Variants in NEIL3 observed in about 807,000 individuals in gnomAD.
The protein encoded by NEIL3 is endonuclease 8-like 3.
A neutral mutation model predicts 57.5 loss-of-function variants in NEIL3; 48 were observed. The observed-to-expected ratio is 0.83, with a 90% CI of 0.66 to 1.06. The LOEUF (loss-of-function observed/expected upper bound fraction) is 1.06. Among genes scored for constraint, NEIL3 ranks in the 50% least tolerant of loss-of-function variants. NEIL3 has a pLI of 0.00. For synonymous variants in NEIL3, 261 were observed against 253.2 expected (o/e 1.03, Z -0.29); for missense variants, 717 against 739.1 (o/e 0.97, Z 0.35).
At chr4:177,311,268 T>C (rs1379305424) in intron 1 of NEIL3, among the ~76,000 whole-genome samples, 1 of 152,184 alleles carries the variant, frequency 6.6e-6, no homozygotes, top group African/African-American at 2.4e-5. Context: ...ACAAAGACAT[T>C]CATTAAATAA....
At chr4:177,354,252 G>GT (rs33963327) in intron 8 of NEIL3, 64,319 of 147,092 alleles carry the variant, frequency 0.44, 14,182 homozygotes, top group Middle Eastern at 0.64. Flanking sequence ...GAAAAGTTGG[G>GT]TTTTTTTTTT....
intron 7 of NEIL3, 147 bp downstream of exon 7, chr4:177,351,696 T>C: frequency 1.5e-6 from 1 of 646,124 alleles, no homozygotes; most frequent in East Asian, 2.7e-5. Flanking sequence ...AGTTTTCACA[T>C]GTAAACCATG....
chr4:177,322,771 A>G (rs908888928), intron 2 of NEIL3, among the ~76,000 whole-genome samples, 191 bp downstream of exon 2: 3 of 152,284 alleles, frequency 2.0e-5, no homozygotes, highest in Non-Finnish European at 2.9e-5. Flanking sequence ...TGATGTCATC[A>G]TCACTTGGAA....
intron 3 of NEIL3, 78 bp from the exon 4 acceptor site, chr4:177,336,030 G>A: frequency 7.9e-7 from 1 of 1,268,612 alleles, no homozygotes; most frequent in Non-Finnish European, 1.1e-6. Flanking sequence ...AGTGCTTATA[G>A]CAAAGCTCAT....
chr4:177,315,415 G>A (rs944630515), intron 1 of NEIL3, among the ~76,000 whole-genome samples: 4 of 152,106 alleles, frequency 2.6e-5, no homozygotes, highest in Non-Finnish European at 4.4e-5. Flanking sequence ...GGAGATTTTC[G>A]TCTTTATTTC....
In NEIL3 at chr4:177,322,487, A is replaced by G; in HGVS notation, c.185A>G (p.Gln62Arg). The change falls in exon 2 of 10, where the codon CAG becomes CGG. Residue 62 changes from glutamine (Q) to arginine (R), a missense_variant. Transcript: ENST00000264596. Reference protein sequence around the residue: ...QAAALNNDSSQNVLSLFNGYV... With the variant: ...QAAALNNDSSRNVLSLFNGYV... ...GCTGCACTGAATAATGATTCCAGCC[A>G]GAATGTCTTGAGCCTGTTTAATGGA... The G allele has an allele frequency of 6.2e-7, 1 of 1,613,984 alleles. No homozygotes were observed. Among genetic ancestry groups the G allele is most frequent in the Non-Finnish European group, 8.5e-7 (1 of 1,179,882 alleles).
chr4:177,344,533 T>C (rs1157316792), intron 6 of NEIL3, among the ~76,000 whole-genome samples: 1 of 152,134 alleles, frequency 6.6e-6, no homozygotes, highest in East Asian at 1.9e-4. Context: ...CTTTTAATAC[T>C]GATGCTATTT....
rs34784709 is a variant in NEIL3 at position 177,338,376 on chromosome 4, T to C, written c.628-1407T>C. ...CTGCCTATACCAAGTCCATACATAC[T>C]GAAGTCCTGCAGTTGGCCCTAGGGA... On this transcript the variant is annotated intron_variant, in intron 4 of 9. Coordinates refer to ENST00000264596, the MANE Select transcript of NEIL3 (RefSeq NM_018248.3). Among the ~76,000 whole-genome samples the C allele has an allele frequency of 4.2e-3, 637 of 152,316 alleles. 5 individuals carry two copies. Among genetic ancestry groups the C allele is most frequent in the African/African-American group, 0.014 (574 of 41,566 alleles).
At position 177,322,343 on chromosome 4, in the gene NEIL3, C is replaced by T. The variant is rs34194600; in HGVS notation, c.157-116C>T. 1.1e-4 allele frequency: 149 copies of T among 1,314,510 alleles called. 1 individual carries two copies. In the African/African-American group the frequency reaches 1.8e-3, roughly 16 times the overall value. The allele number at this position is 1,314,510 out of a possible 1,614,324, so 81.4% of individuals were successfully genotyped here. A position where few individuals can be genotyped will look rare whatever the true frequency, so the allele number is the denominator to read the frequency against. ...ACATGACTTGTTGGAGATTATTCTT[C>T]TCATTGGAATGCACCTGGGCGTGAA... On this transcript the variant is annotated intron_variant, in intron 1 of 9. Coordinates refer to ENST00000264596, the MANE Select transcript of NEIL3 (RefSeq NM_018248.3).
At chr4:177,316,621 TA>T in intron 1 of NEIL3, among the ~76,000 whole-genome samples, 1 of 152,108 alleles carries the variant, frequency 6.6e-6, no homozygotes, top group South Asian at 2.1e-4. Flanking sequence ...GAAGTGAATG[TA>T]TATTTTAAAG....
chr4:177,354,258 T>C (rs1022264760), intron 8 of NEIL3: 2 of 152,694 alleles, frequency 1.3e-5, no homozygotes, highest in African/African-American at 4.8e-5. Context: ...TTGGGTTTTT[T>C]TTTTTTCTGA....
At chr4:177,351,701 A>G (rs951631955) in intron 7 of NEIL3, 152 bp downstream of exon 7, 11 of 639,550 alleles carry the variant, frequency 1.7e-5, no homozygotes, top group Admixed American at 1.4e-4. Context: ...TCACATGTAA[A>G]CCATGCTAAT....
At chr4:177,346,117 A>G (rs190529814) in intron 6 of NEIL3, among the ~76,000 whole-genome samples, 95 of 152,178 alleles carry the variant, frequency 6.2e-4, no homozygotes, top group African/African-American at 2.2e-3. Flanking sequence ...AAAATCACCT[A>G]TTTCCCAGAG....
chr4:177,342,299 C>G (rs1016641431), intron 6 of NEIL3, among the ~76,000 whole-genome samples: 1 of 152,120 alleles, frequency 6.6e-6, no homozygotes, highest in East Asian at 1.9e-4. Context: ...TTTCTTTTCC[C>G]CAATGTACAG....
chr4:177,326,061 A>T (rs1419897945), intron 2 of NEIL3, among the ~76,000 whole-genome samples: 4 of 131,464 alleles, frequency 3.0e-5, no homozygotes, highest in Non-Finnish European at 6.4e-5. Flanking sequence ...AACCTAATTT[A>T]TCAAATTTTT....
At chr4:177,310,171 C>A in intron 1 of NEIL3, 62 bp downstream of exon 1, 1 of 1,423,556 alleles carries the variant, frequency 7.0e-7, no homozygotes, top group Non-Finnish European at 9.2e-7. Flanking sequence ...AAGACCCCAT[C>A]AGGGTTCCAG....
chr4:177,367,857 C>A (rs1385344873), downstream of NEIL3, among the ~76,000 whole-genome samples: 1 of 152,180 alleles, frequency 6.6e-6, no homozygotes, highest in African/African-American at 2.4e-5. Context: ...TGAATACTTG[C>A]CACAGATCAC....
chr4:177,358,489 T>G (rs1735531126), intron 8 of NEIL3, among the ~76,000 whole-genome samples: 2 of 152,082 alleles, frequency 1.3e-5, no homozygotes, highest in South Asian at 4.2e-4. Flanking sequence ...CTATTTTTAG[T>G]CGAGACGGGG....
At chr4:177,310,942 A>C (rs1734464178) in intron 1 of NEIL3, among the ~76,000 whole-genome samples, 1 of 152,250 alleles carries the variant, frequency 6.6e-6, no homozygotes, top group Non-Finnish European at 1.5e-5. Flanking sequence ...TACAACTTGA[A>C]AGAAATGAGG....
Sources: allele counts gnomAD v4.1 joint callset (sites outside exome capture counted in the v4.1 genomes callset), GRCh38; gene constraint gnomAD v4.1.1; transcripts MANE v1.5; gene names NCBI Gene and HGNC (gene_info 2026-07-23, HGNC 2026-07-21).